Variants in TFB2M observed in about 807,000 individuals in gnomAD.
TFB2M encodes the protein transcription factor B2, mitochondrial.
A neutral mutation model predicts 41.3 loss-of-function variants in TFB2M; 44 were observed. The observed-to-expected ratio is 1.07, with a 90% CI of 0.84 to 1.37. The LOEUF is 1.37. Ranked by LOEUF, TFB2M falls within the 40% of genes most tolerant of loss-of-function variation. The pLI is 0.00. For missense variants in TFB2M, 496 were observed against 490.2 expected (o/e 1.01, Z -0.11); for synonymous variants, 188 against 176.8 (o/e 1.06, Z -0.50).
intron 2 of TFB2M, among the ~76,000 whole-genome samples, chr1:246,558,005 A>G (rs944848805): frequency 1.3e-5 from 2 of 152,026 alleles, no homozygotes; most frequent in African/African-American, 4.8e-5. Context: ...CTACCTCCAT[A>G]ACTATGTAAA....
At chr1:246,554,188 A>G (rs902348015) in intron 4 of TFB2M, among the ~76,000 whole-genome samples, 1 of 152,256 alleles carries the variant, frequency 6.6e-6, no homozygotes, top group Non-Finnish European at 1.5e-5. Context: ...AAATGGATCA[A>G]AGACCTAAAC....
rs1424665092 is a variant in TFB2M, at chr1:246,565,921, C to G, written c.218G>C (p.Arg73Pro). Residue 73 changes from arginine (R) to proline (P), a missense_variant, in exon 1 of 8, where the codon CGT (arginine) becomes CCT (proline). Arg to Pro is a moderately radical substitution (Grantham distance 103). Transcript: ENST00000366514. ...KASKASLDFK[R>P]YVTDRRLAET... is the part of the protein sequence containing the mutation. ...AGCCAATCTCCGATCGGTTACGTAA[C>G]GCTTAAAGTCTAAGCTGGCCTTAGA... The G allele has an allele frequency of 5.0e-6, 8 of 1,614,170 alleles. No individual in the cohort carries two copies. The highest frequency in any genetic ancestry group is 2.2e-5 in the East Asian group (1 of 44,878).
chr1:246,552,427 C>T (rs982313467), intron 4 of TFB2M, among the ~76,000 whole-genome samples: 5 of 152,132 alleles, frequency 3.3e-5, no homozygotes, highest in South Asian at 2.1e-4. Context: ...ATCTTAGGCT[C>T]GGTGTAATGG....
intron 7 of TFB2M, 93 bp from the exon 8 acceptor site, chr1:246,541,295 AT>A (rs1036343680): frequency 1.8e-4 from 226 of 1,259,850 alleles, no homozygotes; most frequent in Admixed American, 1.2e-3. Flanking sequence ...TGAATTCAAA[AT>A]GTCTAACTTA....
chr1:246,545,611 A>C (rs1475291277), intron 6 of TFB2M, among the ~76,000 whole-genome samples: 1 of 151,852 alleles, frequency 6.6e-6, no homozygotes, highest in East Asian at 1.9e-4. Flanking sequence ...CCAGGAGTTC[A>C]AGACTAGCCT....
At chr1:246,545,051 C>A (rs1464499496) in intron 6 of TFB2M, among the ~76,000 whole-genome samples, 1 of 136,342 alleles carries the variant, frequency 7.3e-6, no homozygotes. Context: ...GTGATCCGCC[C>A]GCCTCGGCCT....
chr1:246,547,788 G>T (rs937800067), intron 6 of TFB2M, among the ~76,000 whole-genome samples: 1 of 151,636 alleles, frequency 6.6e-6, no homozygotes. Context: ...TTCACAACTA[G>T]CCCTGAGATA....
rs142515271 is a variant in TFB2M at position 246,563,495 on chromosome 1, T to C, written c.402+851A>G. The stretch of plus-strand genomic sequence containing the variant: ...GGCGGGCGCCTGTAATCCCAGCTAC[T>C]TGGGAGGCTGAGGCAGGAGAATCGC... On this transcript the variant is annotated intron_variant, in intron 2 of 7. Coordinates refer to ENST00000366514, the MANE Select transcript of TFB2M (RefSeq NM_022366.3). 8.4e-3 allele frequency among the ~76,000 whole-genome samples: 1,270 copies of C among 151,952 alleles called. 19 individuals are homozygous for C. The highest frequency in any genetic ancestry group is 0.029 in the African/African-American group (1,188 of 41,442).
rs762787206 is a variant in TFB2M at position 246,565,810 on chromosome 1, A to G, written c.313+16T>C. 3 of 1,587,430 alleles carry G rather than the reference A, an allele frequency of 1.9e-6. No homozygotes were observed. The highest frequency in any genetic ancestry group is 2.2e-5 in the South Asian group (2 of 90,536). On this transcript the variant is annotated intron_variant, in intron 1 of 7. Coordinates refer to ENST00000366514, the MANE Select transcript of TFB2M (RefSeq NM_022366.3). Reference sequence around the variant, plus strand: ...AATGATGAACATCCAAGAAAATGCAATTCAGCTGGACTCACCTGGATTGCA... The same window carrying G: ...AATGATGAACATCCAAGAAAATGCAGTTCAGCTGGACTCACCTGGATTGCA...
At chr1:246,565,200 T>C (rs1659584803) in intron 1 of TFB2M, among the ~76,000 whole-genome samples, 1 of 152,274 alleles carries the variant, frequency 6.6e-6, no homozygotes, top group Admixed American at 6.5e-5. Context: ...CTTAGCATCC[T>C]GCTATGGTCT....
In TFB2M at chr1:246,551,216, G is replaced by C; in HGVS notation, c.792C>G (p.His264Gln). ...WQLACEIKVL[H>Q]MEPWSSFDIY... is the part of the protein sequence containing the mutation. ...TAAACAGAAGGATTTTACTCACCAT[G>C]TGCAGAACCTTAATCTCACAAGCTA... Residue 264 changes from histidine (H) to glutamine (Q), a missense_variant, in exon 5 of 8, where the codon CAC becomes CAG. His to Gln is a conservative substitution (Grantham distance 24, BLOSUM62 0). Coordinates refer to ENST00000366514, the MANE Select transcript of TFB2M (RefSeq NM_022366.3). 6.2e-7 allele frequency: 1 copy of C among 1,612,662 alleles called. No homozygotes were observed. The highest frequency in any genetic ancestry group is 8.5e-7 in the Non-Finnish European group (1 of 1,178,792).
intron 2 of TFB2M, among the ~76,000 whole-genome samples, chr1:246,558,645 TA>T (rs1214612683): frequency 2.0e-5 from 3 of 152,190 alleles, no homozygotes; most frequent in Non-Finnish European, 2.9e-5. Flanking sequence ...GAAAAACAAT[TA>T]AAATATAAAA....
intron 4 of TFB2M, among the ~76,000 whole-genome samples, chr1:246,551,563 G>A (rs10737793): frequency 0.46 from 70,113 of 151,852 alleles, 16,338 homozygotes; most frequent in Non-Finnish European, 0.48. Flanking sequence ...ACAGCACTCC[G>A]GCAGGGGCAA....
At chr1:246,556,011 G>GT (rs1558513036) in intron 4 of TFB2M, among the ~76,000 whole-genome samples, 1 of 152,012 alleles carries the variant, frequency 6.6e-6, no homozygotes. Flanking sequence ...AACTGGTCTC[G>GT]AACTCCTGAC....
intron 1 of TFB2M, 38 bp downstream of exon 1, chr1:246,565,785 AATG>A: frequency 6.3e-7 from 1 of 1,577,328 alleles, no homozygotes; most frequent in African/African-American, 1.3e-5. Context: ...CGTTTGAATA[AATG>A]ATGAACATCC....
At chr1:246,561,069 G>C (rs987259411) in intron 2 of TFB2M, among the ~76,000 whole-genome samples, 20 of 152,340 alleles carry the variant, frequency 1.3e-4, no homozygotes, top group African/African-American at 4.8e-4. Flanking sequence ...TATCCGCTAA[G>C]CGCAGCACTT....
At chr1:246,551,553 A>C (rs955877072) in intron 4 of TFB2M, among the ~76,000 whole-genome samples, 1 of 152,168 alleles carries the variant, frequency 6.6e-6, no homozygotes, top group African/African-American at 2.4e-5. Flanking sequence ...GTGAATAGCC[A>C]CAGCACTCCG....
chr1:246,549,573 A>T (rs1659115380), intron 5 of TFB2M, among the ~76,000 whole-genome samples: 1 of 152,142 alleles, frequency 6.6e-6, no homozygotes, highest in Non-Finnish European at 1.5e-5. Context: ...ACAGAGTGAG[A>T]TCGTGTCTCA....
chr1:246,563,676 G>C (rs983644642), intron 2 of TFB2M, among the ~76,000 whole-genome samples: 1 of 151,928 alleles, frequency 6.6e-6, no homozygotes, highest in Non-Finnish European at 1.5e-5. Flanking sequence ...GGGTGACATA[G>C]TGACACCTTT....
Sources: gnomAD v4.1 joint callset for allele counts (sites outside exome capture counted in the v4.1 genomes callset) on GRCh38, gnomAD v4.1.1 for gene constraint, MANE v1.5 for transcripts, NCBI Gene and HGNC (gene_info 2026-07-23, HGNC 2026-07-21) for gene names.